Variants in ENOX1 observed in about 807,000 individuals in gnomAD.
ENOX1 encodes candidate growth-related and time keeping constitutive hydroquinone (NADH) oxidase.
In ENOX1, 42 loss-of-function variants were observed where a neutral mutation model predicts 82.5. That is an observed-to-expected ratio of 0.51 (90% CI 0.40 to 0.66). ENOX1 has a LOEUF of 0.66. ENOX1 is among the 30% of genes least tolerant of loss of function. ENOX1 has a pLI of 0.00. For synonymous variants in ENOX1, 271 were observed against 282.2 expected (o/e 0.96, Z 0.40); for missense variants, 608 against 811.6 (o/e 0.75, Z 3.05).
chr13:43,253,709 C>T (rs12864452), intron 14 of ENOX1, among the ~76,000 whole-genome samples: 13,022 of 152,288 alleles, frequency 0.086, 751 homozygotes, highest in Non-Finnish European at 0.13. Context: ...GGGGAGTTCA[C>T]CTGCTGGTGC....
intron 2 of ENOX1, among the ~76,000 whole-genome samples, chr13:43,563,435 C>A (rs774186314): frequency 2.6e-5 from 4 of 151,894 alleles, no homozygotes; most frequent in Non-Finnish European, 5.9e-5. Flanking sequence ...AGAAGAAAAA[C>A]TTCAAAGAAA....
At chr13:43,639,816 G>T (rs886592778) in intron 2 of ENOX1, among the ~76,000 whole-genome samples, 9 of 152,152 alleles carry the variant, frequency 5.9e-5, no homozygotes, top group Non-Finnish European at 1.2e-4. Context: ...ATCACTTGAG[G>T]CCAGGAGTTC....
At chr13:43,300,492 G>T (rs2046511783) in intron 11 of ENOX1, among the ~76,000 whole-genome samples, 1 of 152,204 alleles carries the variant, frequency 6.6e-6, no homozygotes. Context: ...AAAACCCCAA[G>T]AACTTGGAAA....
At chr13:43,561,531 G>T (rs556108103) in intron 2 of ENOX1, among the ~76,000 whole-genome samples, 42 of 152,206 alleles carry the variant, frequency 2.8e-4, no homozygotes, top group Middle Eastern at 6.8e-3. Context: ...TAGTGCCTGG[G>T]ATACACATAG....
chr13:43,437,786 G>A (rs988910640), intron 3 of ENOX1, among the ~76,000 whole-genome samples: 2 of 152,008 alleles, frequency 1.3e-5, no homozygotes, highest in Non-Finnish European at 2.9e-5. Context: ...TTAAATTCTA[G>A]GTGAACAAGA....
rs534835245 is a variant in ENOX1 at position 43,655,397 on chromosome 13, G to A, written c.-219+12082C>T. 5.3e-5 allele frequency among the ~76,000 whole-genome samples: 8 copies of A among 152,120 alleles called. No individual in the cohort carries two copies. In the South Asian group the frequency reaches 1.7e-3, roughly 32 times the overall value. On this transcript the variant is annotated intron_variant, in intron 2 of 16. Transcript: ENST00000690772. ...TTAAATATGGAAGTTGTTCTCCAAG[G>A]CAGCAATCCAGCCTTGACTTACACT...
intron 3 of ENOX1, among the ~76,000 whole-genome samples, chr13:43,423,111 C>G (rs918928020): frequency 1.3e-5 from 2 of 152,088 alleles, no homozygotes; most frequent in African/African-American, 4.8e-5. Context: ...AAGTGTAGGA[C>G]CTTTCACATT....
At chr13:43,542,562 A>G (rs919620738) in intron 2 of ENOX1, among the ~76,000 whole-genome samples, 2 of 151,334 alleles carry the variant, frequency 1.3e-5, no homozygotes, top group African/African-American at 2.4e-5. Flanking sequence ...CAGCCTCCGG[A>G]GTAGCTGGGA....
intron 2 of ENOX1, among the ~76,000 whole-genome samples, chr13:43,647,811 C>A (rs145159140): frequency 6.6e-6 from 1 of 152,130 alleles, no homozygotes; most frequent in African/African-American, 2.4e-5. Context: ...GGGAGATTAT[C>A]CTGTATTTTC....
chr13:43,546,989 T>A (rs2079000314), intron 2 of ENOX1: 1 of 152,256 alleles, frequency 6.6e-6, no homozygotes, highest in Non-Finnish European at 1.5e-5. Context: ...ACTGCTTTTC[T>A]TCCCATTTGA....
At chr13:43,219,384 A>G (rs2041666121) in intron 16 of ENOX1, among the ~76,000 whole-genome samples, 1 of 152,142 alleles carries the variant, frequency 6.6e-6, no homozygotes, top group Non-Finnish European at 1.5e-5. Flanking sequence ...CCCATACACC[A>G]TGTATTTGGT....
intron 2 of ENOX1, among the ~76,000 whole-genome samples, chr13:43,636,956 T>C (rs1258853496): frequency 6.6e-6 from 1 of 152,202 alleles, no homozygotes; most frequent in Non-Finnish European, 1.5e-5. Context: ...AGTCCTGTCA[T>C]AGCTCACCTT....
At chr13:43,695,036 C>T (rs1299788212) in intron 1 of ENOX1, among the ~76,000 whole-genome samples, 1 of 152,146 alleles carries the variant, frequency 6.6e-6, no homozygotes, top group Admixed American at 6.6e-5. Context: ...AGAGCACAAG[C>T]ACTAACCACA....
At chr13:43,364,032 A>G (rs1010591786) in intron 5 of ENOX1, among the ~76,000 whole-genome samples, 2 of 152,198 alleles carry the variant, frequency 1.3e-5, no homozygotes, top group Non-Finnish European at 2.9e-5. Context: ...AGGATTGGAG[A>G]TTCAGTATTT....
At chr13:43,710,015 A>C (rs1030788047) in intron 1 of ENOX1, among the ~76,000 whole-genome samples, 4 of 152,188 alleles carry the variant, frequency 2.6e-5, no homozygotes, top group Non-Finnish European at 4.4e-5. Context: ...CATATGTGAT[A>C]AGAACACTGG....
Position 43,521,189 on chromosome 13 carries a change from G to T in ENOX1, c.-218-37037C>A, listed in dbSNP as rs1443961607. Among the ~76,000 whole-genome samples the T allele has an allele frequency of 4.6e-5, 7 of 151,876 alleles. No individual in the cohort carries two copies. In the East Asian group the frequency reaches 1.4e-3, roughly 29 times the overall value. ...TAAACTGACTCATGTCTAGAAACAGGTTTTTTTCTATAGTAAGAGAATAAT... is the reference window on the plus strand; with the variant it reads ...TAAACTGACTCATGTCTAGAAACAGTTTTTTTTCTATAGTAAGAGAATAAT... On this transcript the variant is annotated intron_variant, in intron 2 of 16. Transcript: ENST00000690772.
At chr13:43,776,953 T>C (rs1480966097) in intron 1 of ENOX1, among the ~76,000 whole-genome samples, 1 of 151,956 alleles carries the variant, frequency 6.6e-6, no homozygotes, top group Non-Finnish European at 1.5e-5. Context: ...GCCCTTCATA[T>C]ACAGAGAGGA....
intron 2 of ENOX1, among the ~76,000 whole-genome samples, chr13:43,517,540 T>C (rs986043070): frequency 6.6e-6 from 1 of 152,114 alleles, no homozygotes; most frequent in Admixed American, 6.6e-5. Context: ...ACAAGTTTCA[T>C]GTGAAATATG....
chr13:43,693,368 C>T (rs569810804), intron 1 of ENOX1, among the ~76,000 whole-genome samples: 1 of 152,228 alleles, frequency 6.6e-6, no homozygotes, highest in Admixed American at 6.5e-5. Flanking sequence ...AAAAAGCTGC[C>T]ATTTTAACTA....
Sources: gnomAD v4.1 joint callset for allele counts (sites outside exome capture counted in the v4.1 genomes callset) on GRCh38, gnomAD v4.1.1 for gene constraint, MANE v1.5 for transcripts, NCBI Gene and HGNC (gene_info 2026-07-23, HGNC 2026-07-21) for gene names.